Variants in FMN1 observed in about 807,000 individuals in gnomAD.
The protein encoded by FMN1 is formin 1, also known as formin-1.
Under a neutral mutation model 132.4 loss-of-function variants are expected in FMN1, and 110 were observed. The observed-to-expected ratio is 0.83, with a 90% CI of 0.71 to 0.97. The LOEUF is 0.97. FMN1 is among the 50% of genes least tolerant of loss of function. The pLI is 0.00. For synonymous variants in FMN1, 722 were observed against 651.7 expected (o/e 1.11, Z -1.64); for missense variants, 1,792 against 1,705.3 (o/e 1.05, Z -0.90).
intron 15 of FMN1, among the ~76,000 whole-genome samples, chr15:32,890,851 T>G (rs556764098): frequency 5.6e-4 from 85 of 152,330 alleles, no homozygotes; most frequent in African/African-American, 2.0e-3. Flanking sequence ...AATGTTATCT[T>G]CTAGAATTTT....
At chr15:32,892,023 T>C (rs2060043687) in intron 15 of FMN1, among the ~76,000 whole-genome samples, 1 of 152,160 alleles carries the variant, frequency 6.6e-6, no homozygotes, top group South Asian at 2.1e-4. Flanking sequence ...TGAACTCCTC[T>C]TTACTGATTT....
At chr15:32,792,477 C>T (rs955488322) in intron 19 of FMN1, among the ~76,000 whole-genome samples, 1 of 149,812 alleles carries the variant, frequency 6.7e-6, no homozygotes, top group East Asian at 2.0e-4. Context: ...CAAAAAAAAC[C>T]CAAAAAAACT....
intron 9 of FMN1, among the ~76,000 whole-genome samples, chr15:32,952,399 C>G (rs1459677163): frequency 6.6e-6 from 1 of 152,124 alleles, no homozygotes; most frequent in African/African-American, 2.4e-5. Flanking sequence ...TTCAGTTGGC[C>G]TCATTTTATA....
rs150864527 is a variant in FMN1 at position 33,123,904 on chromosome 15, T to C, written c.1867+29144A>G. Among the ~76,000 whole-genome samples the C allele has an allele frequency of 2.0e-5, 3 of 152,348 alleles. No individual in the cohort carries two copies. The East Asian group carries it at 5.8e-4, about 29-fold the overall frequency. ...GCTCAAATGATATAAGGAATCTCTCTACATCTCTCGATTCTGTTCTCCCCT... is the reference window on the plus strand; with the variant it reads ...GCTCAAATGATATAAGGAATCTCTCCACATCTCTCGATTCTGTTCTCCCCT... On this transcript the variant is annotated intron_variant, in intron 4 of 20. Transcript: ENST00000616417.
At chr15:33,177,092 G>A (rs1965539839) in intron 3 of FMN1, among the ~76,000 whole-genome samples, 1 of 152,158 alleles carries the variant, frequency 6.6e-6, no homozygotes. Context: ...TGTGAAGTAG[G>A]TACTATTATT....
chr15:33,060,554 A>G (rs2037434697), intron 6 of FMN1, among the ~76,000 whole-genome samples: 1 of 152,218 alleles, frequency 6.6e-6, no homozygotes. Flanking sequence ...CTGAGGAAAG[A>G]TGTGTCTGCT....
chr15:33,152,485 T>A (rs1422596680), intron 4 of FMN1, among the ~76,000 whole-genome samples: 1 of 152,180 alleles, frequency 6.6e-6, no homozygotes, highest in East Asian at 1.9e-4. Flanking sequence ...AATTCCTTCC[T>A]GTTCTGTTAA....
At chr15:32,909,232 C>T (rs1486854948) in intron 11 of FMN1, among the ~76,000 whole-genome samples, 14 of 151,922 alleles carry the variant, frequency 9.2e-5, no homozygotes, top group African/African-American at 3.1e-4. Flanking sequence ...TTAACATGAA[C>T]CACTGTATCC....
intron 4 of FMN1, among the ~76,000 whole-genome samples, chr15:33,126,300 C>A (rs1029274656): frequency 6.6e-5 from 10 of 152,104 alleles, no homozygotes; most frequent in African/African-American, 2.2e-4. Flanking sequence ...CGGCACCAGG[C>A]CCTCATGGAT....
intron 4 of FMN1, among the ~76,000 whole-genome samples, chr15:33,092,352 T>C (rs1031032903): frequency 2.0e-5 from 3 of 152,138 alleles, no homozygotes; most frequent in East Asian, 1.9e-4. Context: ...CAGGGGTACA[T>C]TGGATTATTG....
At chr15:32,925,204 TAGA>T (rs781463933) in intron 10 of FMN1, among the ~76,000 whole-genome samples, 66 of 152,224 alleles carry the variant, frequency 4.3e-4, no homozygotes, top group Non-Finnish European at 8.5e-4. Flanking sequence ...TATTCCTCCC[TAGA>T]AGTATTCCAG....
At chr15:32,829,138 T>G (rs16959223) in intron 17 of FMN1, among the ~76,000 whole-genome samples, 1 of 152,064 alleles carries the variant, frequency 6.6e-6, no homozygotes, top group African/African-American at 2.4e-5. Flanking sequence ...CCAGCCCAAA[T>G]GAAGCAAAAT....
At chr15:33,019,239 A>C (rs2035274360) in intron 6 of FMN1, among the ~76,000 whole-genome samples, 2 of 152,148 alleles carry the variant, frequency 1.3e-5, no homozygotes, top group South Asian at 2.1e-4. Flanking sequence ...CCTCCCCACT[A>C]GATTAGCTAG....
intron 3 of FMN1, among the ~76,000 whole-genome samples, chr15:33,168,467 A>C (rs947237911): frequency 1.3e-5 from 2 of 152,214 alleles, no homozygotes; most frequent in African/African-American, 4.8e-5. Flanking sequence ...TTGTCCTGAA[A>C]GTATGTTAGT....
intron 18 of FMN1, among the ~76,000 whole-genome samples, chr15:32,803,633 T>C (rs1304101754): frequency 6.6e-6 from 1 of 151,982 alleles, no homozygotes; most frequent in Non-Finnish European, 1.5e-5. Flanking sequence ...CAGCCCCTTC[T>C]CCCTACCTGC....
chr15:33,190,963 G>A (rs1966056120), intron 2 of FMN1, among the ~76,000 whole-genome samples: 2 of 152,180 alleles, frequency 1.3e-5, no homozygotes, highest in South Asian at 4.2e-4. Flanking sequence ...AAGGTCAGGA[G>A]ATCAAGACCA....
intron 6 of FMN1, among the ~76,000 whole-genome samples, chr15:33,040,755 C>A (rs1013166415): frequency 5.3e-5 from 8 of 152,212 alleles, no homozygotes; most frequent in Non-Finnish European, 1.2e-4. Context: ...CATACAATAG[C>A]ATCTTTTTTA....
intron 4 of FMN1, among the ~76,000 whole-genome samples, chr15:33,097,303 TAAAA>T (rs35888764): frequency 1.6e-5 from 2 of 127,234 alleles, no homozygotes; most frequent in East Asian, 2.1e-4. Flanking sequence ...GACCCTGTCT[TAAAA>T]AAAAAAAAAA....
At chr15:33,018,953 A>G (rs899402825) in intron 6 of FMN1, among the ~76,000 whole-genome samples, 5 of 152,186 alleles carry the variant, frequency 3.3e-5, no homozygotes, top group Non-Finnish European at 5.9e-5. Context: ...TACAGCTCAT[A>G]AAGACAATGT....
Sources: allele counts gnomAD v4.1 joint callset (sites outside exome capture counted in the v4.1 genomes callset), GRCh38; gene constraint gnomAD v4.1.1; transcripts MANE v1.5; gene names NCBI Gene and HGNC (gene_info 2026-07-23, HGNC 2026-07-21).